The following PTPRT variants were observed in gnomAD, a reference collection of about 807,000 sequenced individuals.
The protein encoded by PTPRT is receptor-type tyrosine-protein phosphatase T.
PTPRT carries 56 observed loss-of-function variants against 176.8 expected under a neutral mutation model. That is an observed-to-expected ratio of 0.32 (90% confidence interval 0.26 to 0.40). PTPRT has a LOEUF of 0.40. PTPRT is among the 10% of genes least tolerant of loss of function. The pLI, the probability that PTPRT is intolerant of heterozygous loss-of-function variation, is 1.00. For synonymous variants in PTPRT, 783 were observed against 739.0 expected (o/e 1.06, Z -0.96); for missense variants, 1,540 against 1,908.2 (o/e 0.81, Z 3.60).
intron 2 of PTPRT, among the ~76,000 whole-genome samples, chr20:42,875,815 C>T (rs955016233): frequency 6.6e-6 from 1 of 152,238 alleles, no homozygotes; most frequent in Non-Finnish European, 1.5e-5. Context: ...CCTGCCTCCA[C>T]CATATGCTAA....
chr20:42,998,521 CA>C (rs1328175608), intron 1 of PTPRT, among the ~76,000 whole-genome samples: 2 of 152,058 alleles, frequency 1.3e-5, no homozygotes, highest in Non-Finnish European at 2.9e-5. Flanking sequence ...AAAAATGAAA[CA>C]TTCATAACAA....
intron 6 of PTPRT, among the ~76,000 whole-genome samples, chr20:42,719,331 A>G (rs2076272699): frequency 6.6e-6 from 1 of 152,332 alleles, no homozygotes; most frequent in South Asian, 2.1e-4. Flanking sequence ...TCTGGGGAAC[A>G]TTATATTTAA....
At chr20:43,062,439 C>T (rs1388301885) in intron 1 of PTPRT, among the ~76,000 whole-genome samples, 3 of 152,230 alleles carry the variant, frequency 2.0e-5, no homozygotes, top group Admixed American at 6.5e-5. Context: ...TTCAATAAAT[C>T]GCAGCTTCTG....
chr20:42,202,289 T>C (rs1231395096), intron 15 of PTPRT, among the ~76,000 whole-genome samples: 2 of 152,100 alleles, frequency 1.3e-5, no homozygotes, highest in African/African-American at 4.8e-5. Context: ...TCTTTATACG[T>C]CTCGTTTTGG....
chr20:42,987,997 C>T (rs1454077825), intron 1 of PTPRT, among the ~76,000 whole-genome samples: 4 of 152,276 alleles, frequency 2.6e-5, no homozygotes, highest in African/African-American at 9.6e-5. Context: ...GAGATGGAAG[C>T]TGTAGTAGCT....
Position 42,481,808 on chromosome 20 carries a change from G to A in PTPRT, c.1154-9246C>T, listed in dbSNP as rs550874654. Among the ~76,000 whole-genome samples the A allele has an allele frequency of 7.3e-3, 1,109 of 150,976 alleles. 9 individuals are homozygous for A. The highest frequency in any genetic ancestry group is 0.014 in the Middle Eastern group (4 of 292). The stretch of plus-strand genomic sequence containing the variant: ...CACACACACACACACACACACACGC[G>A]CGCATGTATATATATGGTTATCATA... On this transcript the variant is annotated intron_variant, in intron 7 of 30. Transcript: ENST00000373187.
intron 13 of PTPRT, among the ~76,000 whole-genome samples, chr20:42,276,458 C>T (rs74871550): frequency 0.053 from 5,991 of 112,288 alleles, 274 homozygotes; most frequent in East Asian, 0.15. Context: ...TCTCCAAGTC[C>T]CACATTAAAG....
At chr20:42,613,834 T>C (rs994246145) in intron 7 of PTPRT, among the ~76,000 whole-genome samples, 1 of 152,182 alleles carries the variant, frequency 6.6e-6, no homozygotes, top group African/African-American at 2.4e-5. Context: ...TCTTGAGCTA[T>C]CTCTTTAATA....
intron 19 of PTPRT, among the ~76,000 whole-genome samples, chr20:42,120,906 A>T (rs898565293): frequency 1.8e-4 from 28 of 152,216 alleles, no homozygotes; most frequent in Admixed American, 1.7e-3. Context: ...ATCAATTGGG[A>T]GATTGTTGAC....
intron 3 of PTPRT, among the ~76,000 whole-genome samples, chr20:42,787,852 G>A (rs147735759): frequency 1.4e-4 from 21 of 152,260 alleles, no homozygotes; most frequent in African/African-American, 1.2e-4. Context: ...AAGTTTTGCT[G>A]TAGAAATATT....
chr20:42,142,413 G>C (rs1488860568), intron 17 of PTPRT, among the ~76,000 whole-genome samples: 1 of 152,168 alleles, frequency 6.6e-6, no homozygotes, highest in East Asian at 1.9e-4. Context: ...TGTAATAAAA[G>C]AGTAAATGTG....
At chr20:42,628,387 T>A (rs2074337196) in intron 7 of PTPRT, among the ~76,000 whole-genome samples, 1 of 152,172 alleles carries the variant, frequency 6.6e-6, no homozygotes, top group African/African-American at 2.4e-5. Context: ...ATGAGTCACC[T>A]GCTCAATTAG....
chr20:42,735,789 G>A (rs1437239535), intron 6 of PTPRT, among the ~76,000 whole-genome samples: 4 of 151,728 alleles, frequency 2.6e-5, no homozygotes, highest in African/African-American at 9.7e-5. Context: ...TCTGTGGGTC[G>A]CCCATACCCT....
At chr20:42,515,104 A>C (rs1389924347) in intron 7 of PTPRT, among the ~76,000 whole-genome samples, 1 of 152,116 alleles carries the variant, frequency 6.6e-6, no homozygotes, top group Admixed American at 6.6e-5. Flanking sequence ...TCTTAAACAC[A>C]CTGGGTATTT....
chr20:42,305,415 A>G (rs991645058), intron 12 of PTPRT, among the ~76,000 whole-genome samples: 2 of 152,086 alleles, frequency 1.3e-5, no homozygotes, highest in Middle Eastern at 3.2e-3. Context: ...ATACTCATAT[A>G]TACACATACA....
intron 7 of PTPRT, among the ~76,000 whole-genome samples, chr20:42,612,684 C>A (rs968655061): frequency 1.3e-5 from 2 of 151,938 alleles, no homozygotes. Context: ...TGACATGCAA[C>A]AGATTATCAT....
At chr20:42,254,196 T>C (rs1600732923) in intron 13 of PTPRT, among the ~76,000 whole-genome samples, 1 of 152,338 alleles carries the variant, frequency 6.6e-6, no homozygotes, top group Middle Eastern at 3.4e-3. Flanking sequence ...TACTCTGCAC[T>C]GGTCAGAATG....
chr20:42,225,982 G>T (rs926647), intron 15 of PTPRT, among the ~76,000 whole-genome samples: 94,083 of 152,102 alleles, frequency 0.62, 29,997 homozygotes, highest in African/African-American at 0.77. Flanking sequence ...GGAAACATCT[G>T]GCATCTACTT....
chr20:42,473,422 C>T lies in PTPRT; in HGVS notation c.1154-860G>A, dbSNP rs189566498. 5.0e-3 allele frequency among the ~76,000 whole-genome samples: 753 copies of T among 152,086 alleles called. 3 individuals are homozygous for T. Among genetic ancestry groups the T allele is most frequent in the African/African-American group, 0.017 (716 of 41,488 alleles). On this transcript the variant is annotated intron_variant, in intron 7 of 30. Transcript: ENST00000373187. ...AATAAACATGATGTTTTTCAAAAAT[C>T]CTCACATGTAAAGCTCATTTTATGT... is the stretch of plus-strand genomic sequence containing the variant.
Sources: allele counts gnomAD v4.1 joint callset (sites outside exome capture counted in the v4.1 genomes callset), GRCh38; gene constraint gnomAD v4.1.1; transcripts MANE v1.5; gene names NCBI Gene and HGNC (gene_info 2026-07-23, HGNC 2026-07-21).